Variants in MGST1 observed in about 807,000 individuals in gnomAD.
The protein encoded by MGST1 is microsomal glutathione S-transferase 1, also known as glutathione S-transferase 12.
A neutral mutation model predicts 8.9 loss-of-function variants in MGST1; 5 were observed. That is an observed-to-expected ratio of 0.56 (90% CI 0.29 to 1.19). The LOEUF (loss-of-function observed/expected upper bound fraction) is 1.19, where lower values mean the gene tolerates loss of function less well. MGST1 is among the 50% of genes most tolerant of loss of function. The probability of loss-of-function intolerance (pLI) is 0.08; values close to 1 mark genes in which losing one functional copy is unlikely to be tolerated. For synonymous variants in MGST1, 54 were observed against 67.8 expected, an observed-to-expected ratio of 0.80 and a Z score of 1.00; for missense variants, 182 against 187.4, an observed-to-expected ratio of 0.97 and a Z score of 0.17.
chr12:16,433,812 A>G (rs1337210430), intron 1 of MGST1, among the ~76,000 whole-genome samples: 1 of 152,090 alleles, frequency 6.6e-6, no homozygotes, highest in East Asian at 1.9e-4. Context: ...CAAGGCGTTC[A>G]GTTAGTTTTA....
At chr12:16,515,831 T>G (rs1487588954) in intron 4 of MGST1, among the ~76,000 whole-genome samples, 1 of 152,076 alleles carries the variant, frequency 6.6e-6, no homozygotes, top group Non-Finnish European at 1.5e-5. Context: ...TGAATGTGGT[T>G]GTGCATTTGC....
intron 1 of MGST1, among the ~76,000 whole-genome samples, chr12:16,394,500 C>T (rs28587322): frequency 3.0e-5 from 4 of 135,428 alleles, no homozygotes; most frequent in Admixed American, 2.4e-4. Context: ...CTTTCTTTCT[C>T]TCTCTTTCTC....
At chr12:16,475,392 A>G (rs1941316378) in intron 4 of MGST1, among the ~76,000 whole-genome samples, 1 of 152,186 alleles carries the variant, frequency 6.6e-6, no homozygotes. Flanking sequence ...GCTATTGGGA[A>G]TCTGTCATCT....
chr12:16,399,703 C>T, intron 1 of MGST1: 23 of 1,299,854 alleles, frequency 1.8e-5, no homozygotes, highest in Non-Finnish European at 2.6e-5. Flanking sequence ...GGGTCATCAA[C>T]AATGGTCTTT....
chr12:16,455,582 A>G (rs1234849837), intron 4 of MGST1, among the ~76,000 whole-genome samples: 1 of 152,002 alleles, frequency 6.6e-6, no homozygotes, highest in East Asian at 1.9e-4. Context: ...AAAGTAGATG[A>G]TGCTAAAGAA....
rs558514040 is a variant in MGST1 at position 16,541,845 on chromosome 12, C to T, written n.483-47683C>T. On this transcript the variant is annotated intron_variant and non_coding_transcript_variant, in intron 4 of 4. Coordinates refer to the MGST1 transcript ENST00000538857. ...ATGTGTCAATAAAATTCGTAAGTTT[C>T]GGTAAGCCAAGTATATCAGGCAGGG... Among the ~76,000 whole-genome samples the T allele has an allele frequency of 6.3e-4, 96 of 152,208 alleles. 1 individual carries two copies. The highest frequency in any genetic ancestry group is 2.0e-3 in the African/African-American group (84 of 41,522).
At chr12:16,521,743 A>T (rs1012352748) in intron 4 of MGST1, among the ~76,000 whole-genome samples, 1 of 152,188 alleles carries the variant, frequency 6.6e-6, no homozygotes, top group Non-Finnish European at 1.5e-5. Flanking sequence ...CAAAGTGAGA[A>T]GAGACAAGAA....
chr12:16,516,870 G>GAGGA (rs1320313689), intron 4 of MGST1, among the ~76,000 whole-genome samples: 2 of 152,174 alleles, frequency 1.3e-5, no homozygotes, highest in African/African-American at 2.4e-5. Flanking sequence ...ATAGATTCTA[G>GAGGA]AGGAAGGAAG....
At chr12:16,375,830 T>C (rs1250311711) in intron 3 of MGST1, among the ~76,000 whole-genome samples, 1 of 151,844 alleles carries the variant, frequency 6.6e-6, no homozygotes, top group Non-Finnish European at 1.5e-5. Context: ...CAATGTGAGA[T>C]GAACCTGGAA....
At chr12:16,441,206 G>A (rs1250627099), downstream of MGST1, among the ~76,000 whole-genome samples, 1 of 151,560 alleles carries the variant, frequency 6.6e-6, no homozygotes, top group East Asian at 1.9e-4. Context: ...TAGATTCATG[G>A]CAAAATTAAG....
chr12:16,366,981 T>A (rs1186595020), downstream of MGST1, among the ~76,000 whole-genome samples: 1 of 152,242 alleles, frequency 6.6e-6, no homozygotes, highest in Non-Finnish European at 1.5e-5. This position sits in a 1 kb window ranked among gnomAD's most constrained non-coding sequence, Gnocchi z 4.0. Flanking sequence ...TACATTTATA[T>A]AGATATTGAA....
intron 4 of MGST1, among the ~76,000 whole-genome samples, chr12:16,565,860 T>C (rs1004698853): frequency 6.6e-6 from 1 of 150,744 alleles, no homozygotes; most frequent in Admixed American, 6.6e-5. Context: ...ATCCCACTAC[T>C]GGAAATCAGT....
chr12:16,510,044 T>A (rs778179662), intron 4 of MGST1, among the ~76,000 whole-genome samples: 30 of 152,190 alleles, frequency 2.0e-4, no homozygotes, highest in Non-Finnish European at 5.9e-5. Flanking sequence ...AGTGCTGGCA[T>A]AGAGTAAGTC....
At chr12:16,360,787 C>T (rs1939953811) in intron 3 of MGST1, among the ~76,000 whole-genome samples, 1 of 152,106 alleles carries the variant, frequency 6.6e-6, no homozygotes, top group Non-Finnish European at 1.5e-5. Context: ...GTCTAAGTGA[C>T]ACTTGCTGGG....
intron 4 of MGST1, among the ~76,000 whole-genome samples, chr12:16,463,999 T>C (rs2137127864): frequency 6.6e-6 from 1 of 152,354 alleles, no homozygotes; most frequent in South Asian, 2.1e-4. Context: ...TTAAGAAGCA[T>C]ATTTGGACTC....
chr12:16,497,401 A>T lies in MGST1; in HGVS notation n.483-92127A>T, dbSNP rs1350976990. 6.6e-6 allele frequency among the ~76,000 whole-genome samples: 1 copy of T among 152,194 alleles called. No individual in the cohort carries two copies. The highest frequency in any genetic ancestry group is 1.5e-5 in the Non-Finnish European group (1 of 68,026). ...CAAATGGAAAAGGAGCAAAAAGCTC[A>T]TTAAAGCAATGATCTGAAATCTAGA... On this transcript the variant is annotated intron_variant and non_coding_transcript_variant, in intron 4 of 4. Coordinates refer to the MGST1 transcript ENST00000538857. The surrounding 1 kb of genome is among the most constrained non-coding windows in gnomAD (Gnocchi z 4.4).
chr12:16,362,954 C>CAATAATAATAAAATAATA lies in MGST1; in HGVS notation c.222-839_222-838insTAATAATAAAATAATAAA, dbSNP rs1940066987. The CAATAATAATAAAATAATA allele has an allele frequency of 6.6e-6, 1 of 152,046 alleles. No homozygotes were observed. The highest frequency in any genetic ancestry group is 2.1e-4 in the South Asian group (1 of 4,816). The allele number at this position is 152,046 out of a possible 1,614,324, so 9.4% of individuals were successfully genotyped here. ...TCTCTAAAAACAACAATAGCAATGA[C>CAATAATAATAAAATAATA]AACAATAATAATAAAAATGTCAAGT... On this transcript the variant is annotated intron_variant, in intron 3 of 3. Coordinates refer to ENST00000396210, the MANE Select transcript of MGST1 (RefSeq NM_020300.5). This position sits in a 1 kb window ranked among gnomAD's most constrained non-coding sequence, Gnocchi z 4.4.
At position 16,503,420 on chromosome 12, in the gene MGST1, G is replaced by A. The variant is rs1941518435; in HGVS notation, n.483-86108G>A. Among the ~76,000 whole-genome samples the A allele has an allele frequency of 1.3e-5, 2 of 152,092 alleles. No homozygotes were observed. The highest frequency in any genetic ancestry group is 4.8e-5 in the African/African-American group (2 of 41,390). On this transcript the variant is annotated intron_variant and non_coding_transcript_variant, in intron 4 of 4. Coordinates refer to the MGST1 transcript ENST00000538857. This position sits in a 1 kb window ranked among gnomAD's most constrained non-coding sequence, Gnocchi z 4.8. ...GGCTTGGGCAGAAGGTGGCAGAGGT[G>A]GTAATCAGTAAAAATCTAATCAAAG...
At position 16,589,564 on chromosome 12, in the gene MGST1, G is replaced by A. The variant is rs1285852396; in HGVS notation, n.519G>A. ...AGTCAAGAGCTAACCAAGAAGACAA[G>A]GAATGTAACATATTTAATCAAATAA... On this transcript the variant is annotated non_coding_transcript_exon_variant, in exon 5 of 5. Transcript: ENST00000538857. The surrounding 1 kb of genome is among the most constrained non-coding windows in gnomAD (Gnocchi z 4.2). The A allele has an allele frequency of 6.6e-6, 1 of 151,994 alleles. No homozygotes were observed. The highest frequency in any genetic ancestry group is 2.4e-5 in the African/African-American group (1 of 41,384). The allele number at this position is 151,994 out of a possible 1,614,324, so 9.4% of individuals were successfully genotyped here.
Sources: allele counts gnomAD v4.1 joint callset (sites outside exome capture counted in the v4.1 genomes callset), GRCh38; gene constraint gnomAD v4.1.1; non-coding constraint Gnocchi (gnomAD v3.1); transcripts MANE v1.5; gene names NCBI Gene and HGNC (gene_info 2026-07-23, HGNC 2026-07-21).